The following IQCK variants were observed in gnomAD, a reference collection of about 807,000 sequenced individuals.
IQCK encodes the protein IQ motif containing K.
A neutral mutation model predicts 28.1 loss-of-function variants in IQCK; 29 were observed. That is an observed-to-expected ratio of 1.03 (90% CI 0.77 to 1.41). IQCK has a LOEUF of 1.41. Among genes scored for constraint, IQCK ranks in the 40% most tolerant of loss-of-function variants. IQCK has a pLI of 0.00. For synonymous variants in IQCK, 113 were observed against 115.1 expected (o/e 0.98, Z 0.12); for missense variants, 359 against 314.7 (o/e 1.14, Z -1.07).
intron 7 of IQCK, among the ~76,000 whole-genome samples, chr16:19,824,062 G>A (rs1809716300): frequency 1.3e-5 from 2 of 152,146 alleles, no homozygotes; most frequent in Admixed American, 6.6e-5. Flanking sequence ...GTTGGGGGAT[G>A]GTTTTGGGAT....
chr16:19,819,112 G>T (rs938799706), intron 7 of IQCK, among the ~76,000 whole-genome samples: 1 of 152,304 alleles, frequency 6.6e-6, no homozygotes, highest in Non-Finnish European at 1.5e-5. Flanking sequence ...GGGTGTCCAC[G>T]ATGGTGAGTG....
chr16:19,728,422 G>A (rs970878885), intron 1 of IQCK, among the ~76,000 whole-genome samples: 1 of 151,974 alleles, frequency 6.6e-6, no homozygotes, highest in African/African-American at 2.4e-5. Context: ...GCTAATTTTT[G>A]TATTTTTAGT....
At chr16:19,808,976 G>C (rs1177664011) in intron 7 of IQCK, among the ~76,000 whole-genome samples, 1 of 152,216 alleles carries the variant, frequency 6.6e-6, no homozygotes, top group Non-Finnish European at 1.5e-5. Flanking sequence ...TCTTGCCTCA[G>C]CCTCCCAAGT....
chr16:19,745,304 T>A (rs1456210961), intron 4 of IQCK, among the ~76,000 whole-genome samples: 2 of 152,184 alleles, frequency 1.3e-5, no homozygotes, highest in Non-Finnish European at 2.9e-5. Context: ...GGCATTTAAA[T>A]GCTCACTATG....
intron 6 of IQCK, among the ~76,000 whole-genome samples, chr16:19,777,059 T>C (rs2151723197): frequency 6.6e-6 from 1 of 152,338 alleles, no homozygotes; most frequent in Middle Eastern, 3.4e-3. Context: ...TCTGGTCTCA[T>C]GTCCCAGAAG....
chr16:19,793,673 T>TG (rs2055657179), intron 7 of IQCK, among the ~76,000 whole-genome samples: 1 of 107,670 alleles, frequency 9.3e-6, no homozygotes, highest in Non-Finnish European at 1.7e-5. Flanking sequence ...TTTTTTTTTT[T>TG]GTGAAATTAA....
chr16:19,839,498 T>G (rs936235803), intron 9 of IQCK, among the ~76,000 whole-genome samples: 3 of 152,156 alleles, frequency 2.0e-5, no homozygotes, highest in Non-Finnish European at 4.4e-5. Context: ...TTGTTTATTG[T>G]CTATGTGACT....
At chr16:19,805,611 A>G (rs2055823258) in intron 7 of IQCK, among the ~76,000 whole-genome samples, 1 of 151,958 alleles carries the variant, frequency 6.6e-6, no homozygotes, top group Non-Finnish European at 1.5e-5. Context: ...TATTGTCACA[A>G]TAATGCTGCA....
At chr16:19,754,256 G>A (rs1232230064) in intron 4 of IQCK, among the ~76,000 whole-genome samples, 1 of 152,166 alleles carries the variant, frequency 6.6e-6, no homozygotes, top group Non-Finnish European at 1.5e-5. Context: ...AACACAGGGC[G>A]TGCACACAGT....
chr16:19,794,874 C>CT (rs2055675438), intron 7 of IQCK, among the ~76,000 whole-genome samples: 1 of 105,046 alleles, frequency 9.5e-6, no homozygotes, highest in Non-Finnish European at 1.6e-5. Flanking sequence ...CTGTTACATG[C>CT]TAAAAAACGG....
intron 4 of IQCK, chr16:19,762,158 G>T (rs531519722): frequency 6.6e-6 from 1 of 152,270 alleles, no homozygotes; most frequent in African/African-American, 2.4e-5. Flanking sequence ...TGCTACATGG[G>T]AGCCTGGGAA....
At position 19,730,394 on chromosome 16, in the gene IQCK, G is replaced by T. The variant is rs1216192472; in HGVS notation, c.182-36G>T. On this transcript the variant is annotated intron_variant, in intron 1 of 7. Coordinates refer to ENST00000564186, the Ensembl canonical transcript of IQCK. ...AAATTACACCAGAAACTCTAGTGAA[G>T]TATGGAATTGAGGATTTTTTTTCCC... 1.3e-5 allele frequency: 19 copies of T among 1,476,442 alleles called. No homozygotes were observed. The East Asian group carries it at 3.9e-4, about 30-fold the overall frequency. 91.5% of individuals were successfully genotyped at this position (1,476,442 alleles called of 1,614,324 possible).
At chr16:19,837,350 A>G (rs113306694) in intron 9 of IQCK, among the ~76,000 whole-genome samples, 1,824 of 152,294 alleles carry the variant, frequency 0.012, 39 homozygotes, top group African/African-American at 0.042. Flanking sequence ...TCAGAAAGCC[A>G]TGATCACGCT....
At position 19,775,160 on chromosome 16, in the gene IQCK, G is replaced by A. The variant is rs897543635; in HGVS notation, c.605+11048G>A. On this transcript the variant is annotated intron_variant, in intron 6 of 7. Transcript: ENST00000564186. ...GAGAATCACTTGAACCCGGGAGGTGGAGATTGCAGTGAGCCGAGATTGCGC... is the reference window on the plus strand; with the variant it reads ...GAGAATCACTTGAACCCGGGAGGTGAAGATTGCAGTGAGCCGAGATTGCGC... 7.9e-5 allele frequency among the ~76,000 whole-genome samples: 12 copies of A among 151,544 alleles called. No homozygotes were observed. The South Asian group carries it at 1.3e-3, about 16-fold the overall frequency.
chr16:19,802,948 A>C (rs1449783388), intron 7 of IQCK, among the ~76,000 whole-genome samples: 1 of 151,958 alleles, frequency 6.6e-6, no homozygotes, highest in East Asian at 1.9e-4. Flanking sequence ...TTTACGTAAG[A>C]CTCGTTTATT....
At chr16:19,802,530 A>G (rs1234180772) in intron 7 of IQCK, among the ~76,000 whole-genome samples, 1 of 118,626 alleles carries the variant, frequency 8.4e-6, no homozygotes, top group Non-Finnish European at 1.7e-5. Flanking sequence ...TGCCAAGGAC[A>G]TAGTAAATCC....
At chr16:19,732,488 T>A (rs115000310) in intron 2 of IQCK, among the ~76,000 whole-genome samples, 2,286 of 152,266 alleles carry the variant, frequency 0.015, 52 homozygotes, top group African/African-American at 0.051. Context: ...ATCAACTTTT[T>A]CTTTCTTTCT....
intron 4 of IQCK, among the ~76,000 whole-genome samples, chr16:19,757,489 A>T (rs1366457222): frequency 6.6e-6 from 1 of 152,216 alleles, no homozygotes; most frequent in African/African-American, 2.4e-5. Flanking sequence ...CCTGGCCAAC[A>T]TGGCAAAACC....
chr16:19,758,387 A>C (rs1168985962), intron 4 of IQCK, among the ~76,000 whole-genome samples: 1 of 152,228 alleles, frequency 6.6e-6, no homozygotes, highest in Non-Finnish European at 1.5e-5. Context: ...TTGCATCGAA[A>C]GTGATTAAAT....
Sources: gnomAD v4.1 joint callset for allele counts (sites outside exome capture counted in the v4.1 genomes callset) on GRCh38, gnomAD v4.1.1 for gene constraint, MANE v1.5 for transcripts, NCBI Gene and HGNC (gene_info 2026-07-23, HGNC 2026-07-21) for gene names.